Variants in UBE4B observed in about 807,000 individuals in gnomAD.
UBE4B encodes ubiquitination factor E4B.
Under a neutral mutation model 148.1 loss-of-function variants are expected in UBE4B, and 27 were observed. The ratio of observed to expected loss-of-function variants is 0.18; its 90% CI spans 0.13 to 0.25. The LOEUF (loss-of-function observed/expected upper bound fraction) is 0.25. Ranked by LOEUF, UBE4B falls within the 10% of genes least tolerant of loss-of-function variation. UBE4B has a pLI of 1.00. For missense variants in UBE4B, 1,170 were observed against 1,662.4 expected (o/e 0.70, Z 5.15); for synonymous variants, 596 against 619.3 (o/e 0.96, Z 0.56).
At position 10,158,492 on chromosome 1, in the gene UBE4B, G is replaced by A. The variant is rs1200860109; in HGVS notation, c.3053+10G>A. On this transcript the variant is annotated intron_variant, in intron 22 of 27. Transcript: ENST00000343090. Reference sequence around the variant, plus strand: ...TTATGGAGGAGTTCAAGTGAGTATGGGGCCCCTCGTGTCACAACTTGCTTT... The same window carrying A: ...TTATGGAGGAGTTCAAGTGAGTATGAGGCCCCTCGTGTCACAACTTGCTTT... The A allele has an allele frequency of 8.7e-6, 14 of 1,610,222 alleles. No individual in the cohort carries two copies. The highest frequency in any genetic ancestry group is 1.2e-5 in the Non-Finnish European group (14 of 1,177,996).
chr1:10,116,105 A>G (rs1645303853), intron 7 of UBE4B, among the ~76,000 whole-genome samples: 1 of 152,158 alleles, frequency 6.6e-6, no homozygotes, highest in South Asian at 2.1e-4. Flanking sequence ...CCTGGGTTGA[A>G]GTAGGGATGT....
At chr1:10,150,101 A>G (rs1315937632) in intron 20 of UBE4B, among the ~76,000 whole-genome samples, 1 of 152,212 alleles carries the variant, frequency 6.6e-6, no homozygotes, top group Non-Finnish European at 1.5e-5. Flanking sequence ...CCAAAAGTAA[A>G]TGGAGCAAGT....
At chr1:10,107,638 C>G (rs1188091249) in intron 7 of UBE4B, among the ~76,000 whole-genome samples, 1 of 145,176 alleles carries the variant, frequency 6.9e-6, no homozygotes, top group Non-Finnish European at 1.5e-5. Context: ...AGTGCAATGG[C>G]GCAATCTCGG....
chr1:10,100,795 C>T (rs1029967383), intron 3 of UBE4B: 3 of 239,472 alleles, frequency 1.3e-5, no homozygotes, highest in African/African-American at 7.0e-5. Context: ...CTCAGGTGAT[C>T]CACCTGCCTT....
chr1:10,111,361 C>G (rs1462936861), intron 7 of UBE4B, among the ~76,000 whole-genome samples: 2 of 152,138 alleles, frequency 1.3e-5, no homozygotes, highest in African/African-American at 4.8e-5. Context: ...AATACTCCCT[C>G]CTGCCTTAGG....
chr1:10,044,010 G>C (rs1299027611), intron 1 of UBE4B, among the ~76,000 whole-genome samples: 1 of 152,096 alleles, frequency 6.6e-6, no homozygotes. Flanking sequence ...TTTGTTGTTG[G>C]GGGAGTGACC....
intron 7 of UBE4B, among the ~76,000 whole-genome samples, chr1:10,115,688 G>A (rs575375406): frequency 2.6e-4 from 40 of 152,298 alleles, no homozygotes; most frequent in South Asian, 1.2e-3. Context: ...GAAATGGATC[G>A]TTAGGCAGAT....
rs1406481865 is a variant in UBE4B at position 10,108,943 on chromosome 1, C to G, written c.1196+2360C>G. Among the ~76,000 whole-genome samples the G allele has an allele frequency of 2.0e-5, 3 of 152,212 alleles. No individual in the cohort carries two copies. In the East Asian group the frequency reaches 5.8e-4, roughly 29 times the overall value. The stretch of plus-strand genomic sequence containing the variant: ...GTGGGAGAAATTCTCTCTCCCTGGC[C>G]TATTTAGTTGTGACTTTCTCTAACA... On this transcript the variant is annotated intron_variant, in intron 7 of 27. Transcript: ENST00000343090.
At position 10,135,113 on chromosome 1, in the gene UBE4B, G is replaced by C. The variant is rs1383332506; in HGVS notation, c.2151G>C (p.Arg717=). The C allele has an allele frequency of 2.5e-6, 4 of 1,614,022 alleles. No individual in the cohort carries two copies. In the South Asian group the frequency reaches 4.4e-5, roughly 18 times the overall value. ...DPTYIFHPRC[R]ITLPNDETRV... is the part of the protein sequence containing the mutation. The stretch of plus-strand genomic sequence containing the variant: ...CGTATATTTTTCACCCAAGATGTCG[G>C]ATTACTCTTCCCAATGATGAGACGC... The change falls in exon 16 of 28, where the codon CGG becomes CGC. Residue 717 remains arginine (R), a synonymous_variant. Transcript: ENST00000343090.
intron 25 of UBE4B, among the ~76,000 whole-genome samples, chr1:10,175,417 C>G (rs549393168): frequency 1.3e-5 from 2 of 151,890 alleles, no homozygotes; most frequent in African/African-American, 4.8e-5. Context: ...TTTGGGAGGC[C>G]AAGGCGGGCG....
intron 8 of UBE4B, among the ~76,000 whole-genome samples, chr1:10,119,208 A>C (rs1226025706): frequency 2.0e-5 from 3 of 151,406 alleles, no homozygotes; most frequent in African/African-American, 7.3e-5. Context: ...TCTGACCTCA[A>C]GTGATTTGCT....
At chr1:10,176,943 G>T (rs866634914) in intron 25 of UBE4B, among the ~76,000 whole-genome samples, 5 of 151,356 alleles carry the variant, frequency 3.3e-5, no homozygotes, top group Non-Finnish European at 7.4e-5. Context: ...GCACCATCAC[G>T]CCTGGCTAAT....
intron 2 of UBE4B, among the ~76,000 whole-genome samples, chr1:10,082,300 A>G (rs559638099): frequency 1.6e-4 from 25 of 151,976 alleles, no homozygotes; most frequent in Non-Finnish European, 3.4e-4. Flanking sequence ...GGGGTTTAAG[A>G]CTAGCCTGGA....
intron 1 of UBE4B, among the ~76,000 whole-genome samples, chr1:10,040,400 C>T (rs915296606): frequency 6.6e-6 from 1 of 152,040 alleles, no homozygotes; most frequent in Admixed American, 6.6e-5. Context: ...TCAGCTACCA[C>T]GCCAGGCCTC....
At chr1:10,156,043 A>G (rs1249684004) in intron 21 of UBE4B, among the ~76,000 whole-genome samples, 2 of 151,262 alleles carry the variant, frequency 1.3e-5, no homozygotes, top group Non-Finnish European at 3.0e-5. Context: ...AAAAAAAAAA[A>G]AGAAAGAAGG....
chr1:10,107,413 G>A (rs772755592), intron 7 of UBE4B: 39 of 1,258,918 alleles, frequency 3.1e-5, no homozygotes, highest in Non-Finnish European at 3.9e-5. Flanking sequence ...CATGTGCGTA[G>A]ATGCTTAGGA....
chr1:10,130,715 G>T lies in UBE4B; in HGVS notation c.1813G>T (p.Val605Phe). 3 of 1,613,926 alleles carry T rather than the reference G, an allele frequency of 1.9e-6. No homozygotes were observed. Among genetic ancestry groups the T allele is most frequent in the Non-Finnish European group, 2.5e-6 (3 of 1,179,972 alleles). ...CTGCATTTTTTCCTTCTCTTTCCAG[G>T]TTAAAGTGGTTGAAAAATACTTCTC... ...FSFSVFAEDDVKVVEKYFSGP... is the reference protein window; with the variant it reads ...FSFSVFAEDDFKVVEKYFSGP... The change falls in exon 14 of 28, where the codon GTT (valine) becomes TTT (phenylalanine). Residue 605 changes from valine (V) to phenylalanine (F), a missense_variant and splice_region_variant. By Grantham distance (50) the Val-to-Phe change is conservative (BLOSUM62 -1). This residue lies in a region of UBE4B where 388 missense variants were observed against 536.0 expected (regional missense o/e 0.72). Coordinates refer to ENST00000343090, the MANE Select transcript of UBE4B (RefSeq NM_001105562.3).
intron 18 of UBE4B, among the ~76,000 whole-genome samples, chr1:10,146,094 G>A (rs573748058): frequency 6.6e-6 from 1 of 152,186 alleles, no homozygotes; most frequent in Admixed American, 6.5e-5. Flanking sequence ...TTAACAAGGG[G>A]CCCTTATCTG....
intron 2 of UBE4B, 38 bp from the exon 3 acceptor site, chr1:10,095,423 T>C: frequency 6.2e-7 from 1 of 1,609,176 alleles, no homozygotes; most frequent in Non-Finnish European, 8.5e-7. Flanking sequence ...GAACATTATT[T>C]CACATGGGGC....
Sources: gnomAD v4.1 joint callset for allele counts (sites outside exome capture counted in the v4.1 genomes callset) on GRCh38, gnomAD v4.1.1 for gene constraint, gnomAD v4.1.1 regional missense constraint, MANE v1.5 for transcripts, NCBI Gene and HGNC (gene_info 2026-07-23, HGNC 2026-07-21) for gene names.